The following CSMD1 variants were observed in gnomAD, a reference collection of about 807,000 sequenced individuals.
CSMD1 encodes the protein CUB and sushi domain-containing protein 1.
CSMD1 carries 213 observed loss-of-function variants against 417.5 expected under a neutral mutation model. The ratio of observed to expected loss-of-function variants is 0.51; its 90% CI spans 0.46 to 0.57. The LOEUF (loss-of-function observed/expected upper bound fraction) is 0.57. Among genes scored for constraint, CSMD1 ranks in the 20% least tolerant of loss-of-function variants. The pLI, the probability that CSMD1 is intolerant of heterozygous loss-of-function variation, is 0.00. For missense variants in CSMD1, 6,923 were observed against 4,529.7 expected (o/e 1.53, Z -15.17); for synonymous variants, 2,862 against 1,736.8 (o/e 1.65, Z -16.11).
At chr8:4,187,196 T>C (rs1584983935) in intron 3 of CSMD1, among the ~76,000 whole-genome samples, 1 of 152,246 alleles carries the variant, frequency 6.6e-6, no homozygotes, top group East Asian at 1.9e-4. Flanking sequence ...ATCTGGGACA[T>C]TGTTGGATTC....
At chr8:4,298,725 C>G (rs927728157) in intron 3 of CSMD1, among the ~76,000 whole-genome samples, 1 of 151,852 alleles carries the variant, frequency 6.6e-6, no homozygotes, top group Non-Finnish European at 1.5e-5. Flanking sequence ...TATTTTCTTC[C>G]AACTAGATGT....
intron 1 of CSMD1, among the ~76,000 whole-genome samples, chr8:4,758,536 G>C (rs894132458): frequency 6.6e-6 from 1 of 152,128 alleles, no homozygotes; most frequent in African/African-American, 2.4e-5. Context: ...AGTAGTGAGA[G>C]GCAGAAACGT....
intron 7 of CSMD1, among the ~76,000 whole-genome samples, chr8:3,653,058 A>C (rs1016494356): frequency 1.3e-5 from 2 of 152,224 alleles, no homozygotes; most frequent in African/African-American, 4.8e-5. Flanking sequence ...ATCAGAAAAC[A>C]GCACTCAGTA....
At chr8:4,004,743 T>A (rs938769429) in intron 4 of CSMD1, among the ~76,000 whole-genome samples, 119 of 152,226 alleles carry the variant, frequency 7.8e-4, no homozygotes, top group African/African-American at 2.9e-3. Flanking sequence ...TTTATTCTTT[T>A]TTTGTTTTGT....
At chr8:4,795,062 G>T (rs907049456) in intron 1 of CSMD1, among the ~76,000 whole-genome samples, 2 of 151,906 alleles carry the variant, frequency 1.3e-5, no homozygotes, top group Non-Finnish European at 2.9e-5. Context: ...AGTTTCTGCT[G>T]TCTTTAATAT....
intron 1 of CSMD1, among the ~76,000 whole-genome samples, chr8:4,799,938 G>A (rs1394351756): frequency 4.6e-5 from 7 of 152,034 alleles, no homozygotes; most frequent in South Asian, 2.1e-4. Flanking sequence ...AGCGATGCAT[G>A]TACCCTCGAA....
chr8:3,434,903 A>G (rs1341404968), intron 12 of CSMD1, among the ~76,000 whole-genome samples: 5 of 152,186 alleles, frequency 3.3e-5, no homozygotes, highest in Admixed American at 2.0e-4. Flanking sequence ...AATACTTGTG[A>G]TTGGTTTAAG....
chr8:3,388,896 T>TACACACAC lies in CSMD1; in HGVS notation c.2594-1222_2594-1215dup, dbSNP rs6150441. Among the ~76,000 whole-genome samples, 234 of 147,736 alleles carry TACACACAC rather than the reference T, an allele frequency of 1.6e-3. 1 individual carries two copies. The highest frequency in any genetic ancestry group is 5.5e-3 in the African/African-American group (221 of 40,154). On this transcript the variant is annotated intron_variant, in intron 17 of 69. Transcript: ENST00000635120. ...TCTACATACACACCACACACATGCA[T>TACACACAC]ACACACACACACACACACACACACA...
At chr8:3,256,691 C>T (rs1800682450) in intron 26 of CSMD1, among the ~76,000 whole-genome samples, 1 of 152,206 alleles carries the variant, frequency 6.6e-6, no homozygotes, top group Non-Finnish European at 1.5e-5. Flanking sequence ...TGCAGCCACC[C>T]ATATGCCTGT....
In CSMD1 at chr8:4,944,702, G is replaced by A. The variant is rs77177705; in HGVS notation, c.85+49630C>T. 4.4e-3 allele frequency among the ~76,000 whole-genome samples: 667 copies of A among 152,148 alleles called. 8 individuals carry two copies. Among genetic ancestry groups the A allele is most frequent in the East Asian group, 0.043 (224 of 5,158 alleles). On this transcript the variant is annotated intron_variant, in intron 1 of 69. Coordinates refer to ENST00000635120, the MANE Select transcript of CSMD1 (RefSeq NM_033225.6). Reference sequence around the variant, plus strand: ...GCAAATATCATCACCTCACACCCACGCAGATGACTACTGTCGAAAAGAAAT... The same window carrying A: ...GCAAATATCATCACCTCACACCCACACAGATGACTACTGTCGAAAAGAAAT...
At chr8:3,311,759 G>C (rs1280063429) in intron 23 of CSMD1, among the ~76,000 whole-genome samples, 2 of 151,784 alleles carry the variant, frequency 1.3e-5, no homozygotes, top group African/African-American at 4.8e-5. Context: ...AATAAATTAT[G>C]TTCTGATTGT....
intron 12 of CSMD1, among the ~76,000 whole-genome samples, chr8:3,467,547 C>T (rs1001735949): frequency 6.6e-6 from 1 of 152,104 alleles, no homozygotes; most frequent in Admixed American, 6.6e-5. Flanking sequence ...CATTTTTTGT[C>T]GTAGTATTTC....
At chr8:3,904,497 C>T (rs938365894) in intron 5 of CSMD1, among the ~76,000 whole-genome samples, 1 of 152,142 alleles carries the variant, frequency 6.6e-6, no homozygotes, top group Non-Finnish European at 1.5e-5. Context: ...TACGGTGCGG[C>T]TTGGTATTCC....
At chr8:3,977,841 A>G (rs889590385) in intron 5 of CSMD1, among the ~76,000 whole-genome samples, 3 of 152,218 alleles carry the variant, frequency 2.0e-5, no homozygotes, top group Non-Finnish European at 4.4e-5. Context: ...AGCAAGTCAC[A>G]AGAAATAACT....
At chr8:4,745,389 T>A (rs978831946) in intron 1 of CSMD1, among the ~76,000 whole-genome samples, 1 of 152,208 alleles carries the variant, frequency 6.6e-6, no homozygotes, top group African/African-American at 2.4e-5. Context: ...TAAGCTTTAA[T>A]AAGTATTAAA....
intron 3 of CSMD1, among the ~76,000 whole-genome samples, chr8:4,154,229 G>A (rs983052464): frequency 5.9e-5 from 9 of 152,038 alleles, no homozygotes; most frequent in Non-Finnish European, 1.2e-4. Flanking sequence ...GTTAGTGTAA[G>A]CATACAATGA....
intron 3 of CSMD1, among the ~76,000 whole-genome samples, chr8:4,294,775 C>T (rs959882050): frequency 1.3e-5 from 2 of 151,874 alleles, no homozygotes; most frequent in African/African-American, 4.8e-5. Context: ...TTGTAATAAT[C>T]ATGGGTAAAA....
chr8:2,963,510 T>TA, intron 59 of CSMD1, 115 bp from the exon 60 acceptor site: 1 of 1,010,264 alleles, frequency 9.9e-7, no homozygotes, highest in Middle Eastern at 2.6e-4. Context: ...ACATAGGTTT[T>TA]TAAAAAAAAA....
intron 2 of CSMD1, among the ~76,000 whole-genome samples, chr8:4,604,381 T>TTA (rs1554522664): frequency 1.1e-5 from 1 of 91,554 alleles, no homozygotes. Context: ...ACAAATAGCA[T>TTA]TGTGTGTGTG....
Sources: gnomAD v4.1 joint callset for allele counts (sites outside exome capture counted in the v4.1 genomes callset) on GRCh38, gnomAD v4.1.1 for gene constraint, MANE v1.5 for transcripts, NCBI Gene and HGNC (gene_info 2026-07-23, HGNC 2026-07-21) for gene names.